The following SOX5 variants were observed in gnomAD, a reference collection of about 807,000 sequenced individuals.
SOX5 encodes SRY-box transcription factor 5.
SOX5 carries 9 observed loss-of-function variants against 92.0 expected under a neutral mutation model. The observed-to-expected ratio is 0.10, with a 90% CI of 0.06 to 0.17. The LOEUF (loss-of-function observed/expected upper bound fraction) is 0.17. SOX5 is among the 10% of genes least tolerant of loss of function. SOX5 has a pLI of 1.00. For missense variants in SOX5, 642 were observed against 944.5 expected, an observed-to-expected ratio of 0.68 and a Z score of 4.20; for synonymous variants, 344 against 336.3, an observed-to-expected ratio of 1.02 and a Z score of -0.25.
At chr12:24,216,025 T>C (rs542801448) in intron 3 of SOX5, among the ~76,000 whole-genome samples, 1 of 152,178 alleles carries the variant, frequency 6.6e-6, no homozygotes, top group Non-Finnish European at 1.5e-5. Flanking sequence ...GTCATATAAG[T>C]ATTAATATAT....
chr12:23,542,322 G>A (rs1942245754), intron 13 of SOX5, among the ~76,000 whole-genome samples: 1 of 152,126 alleles, frequency 6.6e-6, no homozygotes, highest in South Asian at 2.1e-4. Context: ...ACTCTTAGAA[G>A]TCACAGAGTG....
intron 4 of SOX5, among the ~76,000 whole-genome samples, chr12:23,974,610 C>T (rs75185030): frequency 0.01 from 1,529 of 152,236 alleles, 33 homozygotes; most frequent in African/African-American, 0.035. Flanking sequence ...GTGCATTCTT[C>T]AGTTCTCTGA....
At chr12:24,112,788 C>G (rs902519112) in intron 4 of SOX5, among the ~76,000 whole-genome samples, 1 of 151,758 alleles carries the variant, frequency 6.6e-6, no homozygotes, top group Non-Finnish European at 1.5e-5. Context: ...TGCCTACCCA[C>G]CTTGGCCTCC....
chr12:24,094,702 T>C (rs1945109747), intron 4 of SOX5, among the ~76,000 whole-genome samples: 1 of 152,182 alleles, frequency 6.6e-6, no homozygotes, highest in African/African-American at 2.4e-5. Flanking sequence ...GATAACCAAT[T>C]GTCCTACCAC....
chr12:24,114,768 T>G (rs533289422), intron 4 of SOX5, among the ~76,000 whole-genome samples: 1 of 151,830 alleles, frequency 6.6e-6, no homozygotes, highest in South Asian at 2.1e-4. Flanking sequence ...GCAGCCAGAC[T>G]CTAAACAAAA....
At chr12:23,747,674 C>T (rs1034469965) in intron 4 of SOX5, among the ~76,000 whole-genome samples, 2 of 152,072 alleles carry the variant, frequency 1.3e-5, no homozygotes, top group African/African-American at 4.8e-5. Context: ...GACATTTAGG[C>T]CAGACAATTT....
intron 2 of SOX5, among the ~76,000 whole-genome samples, chr12:23,864,637 C>G (rs1301014051): frequency 6.6e-6 from 1 of 152,066 alleles, no homozygotes; most frequent in African/African-American, 2.4e-5. Context: ...TAAGCCAAAC[C>G]CTAATCCAGA....
At chr12:23,637,579 A>G (rs542543093) in intron 8 of SOX5, among the ~76,000 whole-genome samples, 1 of 152,230 alleles carries the variant, frequency 6.6e-6, no homozygotes, top group Admixed American at 6.5e-5. Flanking sequence ...GGAGCTGAGG[A>G]GAGAGAAGAT....
chr12:23,834,349 GATTTTT>G (rs2096379049), intron 3 of SOX5, among the ~76,000 whole-genome samples: 1 of 151,896 alleles, frequency 6.6e-6, no homozygotes. Flanking sequence ...GATTACATAT[GATTTTT>G]TAGTCAATGC....
intron 4 of SOX5, among the ~76,000 whole-genome samples, chr12:24,160,191 T>C (rs1233054117): frequency 1.3e-5 from 2 of 152,112 alleles, no homozygotes; most frequent in African/African-American, 4.8e-5. Context: ...GTTTTAGTGA[T>C]AATAAATGAA....
chr12:23,953,411 T>C (rs1353714485), upstream of SOX5, among the ~76,000 whole-genome samples: 1 of 152,118 alleles, frequency 6.6e-6, no homozygotes, highest in Non-Finnish European at 1.5e-5. Context: ...AGATATTCAA[T>C]TGACTATAGA....
At chr12:24,519,609 C>T (rs758765477) in intron 1 of SOX5, among the ~76,000 whole-genome samples, 9 of 152,058 alleles carry the variant, frequency 5.9e-5, no homozygotes, top group Non-Finnish European at 1.3e-4. Flanking sequence ...TAACAATCAT[C>T]AATTGTGGAT....
intron 6 of SOX5, among the ~76,000 whole-genome samples, chr12:23,705,743 A>T (rs2091304086): frequency 6.6e-6 from 1 of 152,070 alleles, no homozygotes; most frequent in South Asian, 2.1e-4. Flanking sequence ...AACTTTACGT[A>T]AGAAAAGAAA....
chr12:24,152,771 T>C (rs1021359399), intron 4 of SOX5, among the ~76,000 whole-genome samples: 3 of 152,120 alleles, frequency 2.0e-5, no homozygotes, highest in Non-Finnish European at 4.4e-5. Flanking sequence ...ATTGTTTTAT[T>C]TGATAAGACT....
At chr12:24,514,778 T>A (rs1359495807) in intron 1 of SOX5, among the ~76,000 whole-genome samples, 1 of 152,198 alleles carries the variant, frequency 6.6e-6, no homozygotes, top group Admixed American at 6.5e-5. Context: ...TGGGGGCCAT[T>A]ATCCTTAGCA....
At chr12:24,459,744 T>A (rs1258603172) in intron 1 of SOX5, among the ~76,000 whole-genome samples, 1 of 152,202 alleles carries the variant, frequency 6.6e-6, no homozygotes, top group Non-Finnish European at 1.5e-5. Context: ...TGAACAAGAA[T>A]AATGCTTCAT....
intron 2 of SOX5, among the ~76,000 whole-genome samples, chr12:24,334,544 G>A (rs1163200203): frequency 6.6e-6 from 1 of 152,092 alleles, no homozygotes; most frequent in Admixed American, 6.5e-5. Context: ...GCTCAATCCT[G>A]GCAAAGGGAC....
At chr12:23,892,930 G>T (rs565140380) in intron 2 of SOX5, among the ~76,000 whole-genome samples, 1 of 152,190 alleles carries the variant, frequency 6.6e-6, no homozygotes, top group Non-Finnish European at 1.5e-5. Context: ...TTGCTTTAGA[G>T]CCCAGGAGTT....
Position 23,532,890 on chromosome 12 carries a change from C to A in SOX5, c.*1329G>T. The stretch of plus-strand genomic sequence containing the variant: ...AATGGCCAAATATATTCAATGAAAA[C>A]AATGATTGTTTTGCTCAAAATATCA... On this transcript the variant is annotated 3_prime_UTR_variant, in exon 15 of 15. Transcript: ENST00000451604. 1.2e-5 allele frequency: 2 copies of A among 164,076 alleles called. No individual in the cohort carries two copies. Among genetic ancestry groups the A allele is most frequent in the Non-Finnish European group, 2.7e-5 (2 of 74,802 alleles). 10.2% of individuals were successfully genotyped at this position (164,076 alleles called of 1,614,324 possible).
Sources: gnomAD v4.1 joint callset for allele counts (sites outside exome capture counted in the v4.1 genomes callset) on GRCh38, gnomAD v4.1.1 for gene constraint, MANE v1.5 for transcripts, NCBI Gene and HGNC (gene_info 2026-07-23, HGNC 2026-07-21) for gene names.